Variants in WDFY3 observed in about 807,000 individuals in gnomAD.
WDFY3 encodes the protein WD repeat and FYVE domain-containing protein 3.
WDFY3 carries 66 observed loss-of-function variants against 409.6 expected under a neutral mutation model. That is an observed-to-expected ratio of 0.16 (90% CI 0.13 to 0.20). The LOEUF is 0.20. Ranked by LOEUF, WDFY3 falls within the 10% of genes least tolerant of loss-of-function variation. WDFY3 has a pLI of 1.00. For synonymous variants in WDFY3, 1,521 were observed against 1,537.1 expected, an observed-to-expected ratio of 0.99 and a Z score of 0.25; for missense variants, 3,031 against 4,298.1, an observed-to-expected ratio of 0.71 and a Z score of 8.24.
chr4:84,840,683 T>C (rs1185235968), intron 6 of WDFY3, among the ~76,000 whole-genome samples: 1 of 151,822 alleles, frequency 6.6e-6, no homozygotes, highest in Non-Finnish European at 1.5e-5. Context: ...GCTCAAGCAA[T>C]CCTCTTGCCT....
Position 84,726,965 on chromosome 4 carries a change from A to G in WDFY3, c.7222-54T>C, listed in dbSNP as rs1735763417. 4.0e-6 allele frequency: 6 copies of G among 1,504,332 alleles called. No homozygotes were observed. In the Admixed American group the frequency reaches 1.4e-4, roughly 34 times the overall value. 93.2% of individuals were successfully genotyped at this position (1,504,332 alleles called of 1,614,324 possible). A position where few individuals can be genotyped will look rare whatever the true frequency, so the allele number is the denominator to read the frequency against. On this transcript the variant is annotated intron_variant, in intron 44 of 67. Transcript: ENST00000295888. ...ATCAGAAAAAAAAACATAAAGAGGA[A>G]CACAAAAATAAAATTTTTCTTGAGG...
Position 84,796,526 on chromosome 4 carries a change from C to A in WDFY3, c.3162G>T (p.Gly1054=). The A allele has an allele frequency of 6.3e-7, 1 of 1,578,154 alleles. No individual in the cohort carries two copies. The highest frequency in any genetic ancestry group is 8.6e-7 in the Non-Finnish European group (1 of 1,160,106). ...CTTCCTTGCAAATTTCTTACCCAAA[C>A]CCTTCAAGTGATGTGTCAAATTCAA... ...AFVEFDTSLE[G]FGCLFLPSLA... Residue 1054 remains glycine (G), a synonymous_variant, in exon 19 of 68, where the codon GGG becomes GGT. Coordinates refer to ENST00000295888, the MANE Select transcript of WDFY3 (RefSeq NM_014991.6).
Position 84,684,111 on chromosome 4 carries a change from G to T in WDFY3, c.9558C>A (p.Ser3186=), listed in dbSNP as rs771544720. ...CINELTGDIV[S]CAGTYIHVWS... is the part of the protein sequence containing the mutation. Reference sequence around the variant, plus strand: ...ACACATGGATATATGTGCCAGCGCAGGACACAATGTCCCCCTGAGAAGAGA... The same window carrying T: ...ACACATGGATATATGTGCCAGCGCATGACACAATGTCCCCCTGAGAAGAGA... The change falls in exon 63 of 68, where the codon TCC becomes TCA. Residue 3186 remains serine, a synonymous_variant. Transcript: ENST00000295888. 4.4e-6 allele frequency: 7 copies of T among 1,585,824 alleles called. No homozygotes were observed. The highest frequency in any genetic ancestry group is 6.0e-6 in the Non-Finnish European group (7 of 1,158,190).
chr4:84,939,073 G>T (rs145455386), intron 1 of WDFY3, among the ~76,000 whole-genome samples: 3 of 152,208 alleles, frequency 2.0e-5, no homozygotes, highest in African/African-American at 7.2e-5. Flanking sequence ...CCAGTCTAGG[G>T]TCAGGTACTG....
rs574859037 is a variant in WDFY3 at position 84,820,455 on chromosome 4, C to T, written c.1592-269G>A. 3.4e-4 allele frequency among the ~76,000 whole-genome samples: 52 copies of T among 152,140 alleles called. 1 individual carries two copies. In the Middle Eastern group the frequency reaches 0.017, roughly 50 times the overall value. On this transcript the variant is annotated intron_variant, in intron 11 of 67. Coordinates refer to ENST00000295888, the MANE Select transcript of WDFY3 (RefSeq NM_014991.6). The stretch of plus-strand genomic sequence containing the variant: ...TGAAAATGCAAAGGTTAAATATATC[C>T]TCTTCACAGAGGGTTTTCCTAATAA...
chr4:84,690,790 C>G (rs1729133288), intron 60 of WDFY3, 126 bp from the exon 61 acceptor site: 1 of 1,200,104 alleles, frequency 8.3e-7, no homozygotes, highest in Admixed American at 3.0e-5. Context: ...ATGTTCTGAG[C>G]TAGCTTTAGT....
intron 25 of WDFY3, among the ~76,000 whole-genome samples, chr4:84,781,395 T>G (rs1019881799): frequency 2.0e-5 from 3 of 148,222 alleles, no homozygotes; most frequent in Admixed American, 6.7e-5. Flanking sequence ...CCCTTTTGTT[T>G]TTTTTTTTTT....
In WDFY3 at chr4:84,869,074, G is replaced by A. The variant is rs888321778; in HGVS notation, c.-31-8452C>T. On this transcript the variant is annotated intron_variant, in intron 3 of 67. Coordinates refer to ENST00000295888, the MANE Select transcript of WDFY3 (RefSeq NM_014991.6). The stretch of plus-strand genomic sequence containing the variant: ...CCTGTAGTTCAGGTCATTTAGCTTG[G>A]TAATCACTGACCAGTATCCTCAGTG... 3.3e-5 allele frequency among the ~76,000 whole-genome samples: 5 copies of A among 152,192 alleles called. No homozygotes were observed. The East Asian group carries it at 9.6e-4, about 29-fold the overall frequency.
At chr4:84,723,341 T>C (rs185332450) in intron 46 of WDFY3, among the ~76,000 whole-genome samples, 121 of 152,368 alleles carry the variant, frequency 7.9e-4, no homozygotes, top group Middle Eastern at 6.8e-3. Context: ...GTGTTTTTTG[T>C]TGACACAGTC....
intron 51 of WDFY3, 89 bp from the exon 52 acceptor site, chr4:84,709,436 C>A: frequency 8.6e-7 from 1 of 1,167,408 alleles, no homozygotes; most frequent in Non-Finnish European, 1.2e-6. Flanking sequence ...GTCACCTGGT[C>A]CAGGAATTTT....
intron 44 of WDFY3, among the ~76,000 whole-genome samples, chr4:84,731,380 A>G (rs1249879938): frequency 2.6e-5 from 4 of 152,204 alleles, no homozygotes; most frequent in Non-Finnish European, 5.9e-5. Flanking sequence ...GATGTGAACT[A>G]CTAAAACCAA....
intron 30 of WDFY3, among the ~76,000 whole-genome samples, 162 bp downstream of exon 30, chr4:84,772,673 A>G (rs1340964317): frequency 6.6e-6 from 1 of 152,188 alleles, no homozygotes; most frequent in Non-Finnish European, 1.5e-5. Context: ...GGCTTAATAT[A>G]AGACAAATAC....
intron 30 of WDFY3, among the ~76,000 whole-genome samples, chr4:84,770,033 C>CT (rs1365018352): frequency 0.013 from 1,913 of 145,774 alleles, 38 homozygotes; most frequent in African/African-American, 0.042. Flanking sequence ...GAGTTATATA[C>CT]TTTTTTTTTT....
intron 21 of WDFY3, among the ~76,000 whole-genome samples, chr4:84,793,044 G>C (rs898848902): frequency 6.6e-6 from 1 of 152,220 alleles, no homozygotes; most frequent in African/African-American, 2.4e-5. Flanking sequence ...GGGAAGATTT[G>C]AGAAATATTA....
At chr4:84,870,964 T>C (rs1047373686) in intron 3 of WDFY3, among the ~76,000 whole-genome samples, 5 of 151,350 alleles carry the variant, frequency 3.3e-5, no homozygotes, top group African/African-American at 9.7e-5. Context: ...CAGCAGTAGA[T>C]GGATACTGCT....
chr4:84,706,938 C>CTTTT (rs1229485318), intron 53 of WDFY3, among the ~76,000 whole-genome samples: 1 of 134,872 alleles, frequency 7.4e-6, no homozygotes, highest in African/African-American at 2.8e-5. Flanking sequence ...ATTTTTACTT[C>CTTTT]TTTTTTTTTT....
intron 26 of WDFY3, among the ~76,000 whole-genome samples, chr4:84,778,953 G>A (rs935801749): frequency 1.3e-5 from 2 of 151,910 alleles, no homozygotes; most frequent in African/African-American, 4.8e-5. Flanking sequence ...TTACCAACGC[G>A]TGCATAAAAT....
chr4:84,821,824 C>T (rs1754111703), intron 10 of WDFY3, among the ~76,000 whole-genome samples: 3 of 152,032 alleles, frequency 2.0e-5, no homozygotes, highest in Admixed American at 2.0e-4. Context: ...GGAATAAAAG[C>T]ATATTATTAT....
rs1396553299 is a variant in WDFY3 at position 84,821,366 on chromosome 4, G to C, written c.1309C>G (p.Leu437Val). Residue 437 changes from leucine (L) to valine (V), a missense_variant, in exon 11 of 68, where the codon CTC (leucine) becomes GTC (valine). Physicochemically the swap from Leu to Val is conservative, Grantham distance 32. This residue lies in a region of WDFY3 where 1,322 missense variants were observed against 1,697.9 expected (regional missense o/e 0.78). Transcript: ENST00000295888. ...AAGTATTTGTTTTGTACTTCTGGGA[G>C]TTTAGAAATCTTCTCTGCAAACTGT... Reference protein sequence around the residue: ...LSQFAEKISKLPEVQNKYFEM... With the variant: ...LSQFAEKISKVPEVQNKYFEM... 6.2e-6 allele frequency: 10 copies of C among 1,613,848 alleles called. No homozygotes were observed. Among genetic ancestry groups the C allele is most frequent in the Non-Finnish European group, 8.5e-6 (10 of 1,179,870 alleles).
Sources: allele counts gnomAD v4.1 joint callset (sites outside exome capture counted in the v4.1 genomes callset), GRCh38; gene constraint gnomAD v4.1.1; regional missense constraint gnomAD v4.1.1; transcripts MANE v1.5; gene names NCBI Gene and HGNC (gene_info 2026-07-23, HGNC 2026-07-21).